The following DNM3 variants were observed in gnomAD, a reference collection of about 807,000 sequenced individuals.
DNM3 encodes the protein dynamin 3, also known as dynamin-3.
In DNM3, 47 loss-of-function variants were observed where a neutral mutation model predicts 101.6. The observed-to-expected ratio is 0.46, with a 90% CI of 0.37 to 0.59. DNM3 has a LOEUF of 0.59. DNM3 is among the 20% of genes least tolerant of loss of function. DNM3 has a pLI of 0.00. For synonymous variants in DNM3, 385 were observed against 387.9 expected (o/e 0.99, Z 0.09); for missense variants, 849 against 1,085.7 (o/e 0.78, Z 3.06).
chr1:172,082,629 T>C (rs1175123345), intron 12 of DNM3, among the ~76,000 whole-genome samples: 4 of 151,934 alleles, frequency 2.6e-5, no homozygotes, highest in African/African-American at 7.3e-5. Flanking sequence ...GCCTATTTTA[T>C]GTAAAATGTA....
intron 13 of DNM3, among the ~76,000 whole-genome samples, chr1:172,125,983 A>G (rs2056598957): frequency 6.6e-6 from 1 of 151,838 alleles, no homozygotes; most frequent in East Asian, 1.9e-4. Context: ...TCTTTTTATT[A>G]ATTTCCCCTT....
intron 17 of DNM3, among the ~76,000 whole-genome samples, chr1:172,362,250 A>G (rs1451532873): frequency 1.3e-5 from 2 of 152,048 alleles, no homozygotes; most frequent in African/African-American, 4.8e-5. Flanking sequence ...ACAATAATAC[A>G]TGAAAAGAAT....
intron 11 of DNM3, among the ~76,000 whole-genome samples, chr1:172,075,186 C>T (rs905258868): frequency 2.7e-5 from 4 of 150,740 alleles, no homozygotes; most frequent in East Asian, 2.0e-4. Context: ...AATTTGTATA[C>T]GTTCTTTGTA....
intron 14 of DNM3, among the ~76,000 whole-genome samples, chr1:172,233,049 T>G (rs2061398566): frequency 6.6e-6 from 1 of 152,056 alleles, no homozygotes; most frequent in Non-Finnish European, 1.5e-5. Flanking sequence ...AGAGCAGAAC[T>G]GAAGGAGATA....
At chr1:172,327,361 A>G (rs1172838552) in intron 17 of DNM3, among the ~76,000 whole-genome samples, 1 of 152,162 alleles carries the variant, frequency 6.6e-6, no homozygotes, top group Non-Finnish European at 1.5e-5. Context: ...AAGTATATAT[A>G]TTGAAGAGCA....
chr1:171,855,029 C>G (rs893733611), intron 1 of DNM3, among the ~76,000 whole-genome samples: 8 of 152,098 alleles, frequency 5.3e-5, no homozygotes, highest in African/African-American at 1.4e-4. Flanking sequence ...ACTCTCCCTT[C>G]TCCCACCCTT....
chr1:172,267,036 G>A (rs1396353178), intron 15 of DNM3, among the ~76,000 whole-genome samples: 1 of 152,136 alleles, frequency 6.6e-6, no homozygotes, highest in Admixed American at 6.6e-5. Context: ...TGTTACTAGG[G>A]GGATCACCTG....
intron 15 of DNM3, among the ~76,000 whole-genome samples, chr1:172,260,039 G>A (rs2062576257): frequency 6.6e-6 from 1 of 151,950 alleles, no homozygotes; most frequent in Non-Finnish European, 1.5e-5. Flanking sequence ...CTTAGCTTTT[G>A]CTCATCTGTG....
intron 5 of DNM3, 25 bp downstream of exon 5, chr1:172,032,525 A>AAT: frequency 3.0e-6 from 2 of 662,826 alleles, no homozygotes; most frequent in Non-Finnish European, 4.4e-6. Flanking sequence ...TCTATACAAG[A>AAT]CTTTTTTTTT....
At chr1:171,889,531 A>G (rs562203646) in intron 1 of DNM3, among the ~76,000 whole-genome samples, 1 of 152,324 alleles carries the variant, frequency 6.6e-6, no homozygotes, top group South Asian at 2.1e-4. Context: ...ATTTAACAGA[A>G]CATACTTCAA....
At chr1:172,407,349 A>C (rs10911692) in intron 20 of DNM3, among the ~76,000 whole-genome samples, 16,503 of 152,040 alleles carry the variant, frequency 0.11, 2,998 homozygotes, top group African/African-American at 0.38. Flanking sequence ...GAGAAGTGAT[A>C]ATAATATCCT....
At chr1:171,865,744 C>G (rs2034679056) in intron 1 of DNM3, among the ~76,000 whole-genome samples, 1 of 152,058 alleles carries the variant, frequency 6.6e-6, no homozygotes. Flanking sequence ...ATACATATTC[C>G]TCTAGAGGTG....
intron 14 of DNM3, among the ~76,000 whole-genome samples, chr1:172,247,656 C>CTTAT (rs1553207716): frequency 0.058 from 7,908 of 135,324 alleles, 292 homozygotes; most frequent in African/African-American, 0.11. Flanking sequence ...ATTATTATTT[C>CTTAT]TTATTTATTT....
intron 2 of DNM3, among the ~76,000 whole-genome samples, chr1:171,954,484 A>G (rs1197385889): frequency 1.3e-5 from 2 of 152,172 alleles, no homozygotes; most frequent in Non-Finnish European, 1.5e-5. Flanking sequence ...TCTGGATGCA[A>G]AGTATATTGT....
intron 13 of DNM3, among the ~76,000 whole-genome samples, chr1:172,113,204 G>T (rs1438523723): frequency 6.6e-6 from 1 of 152,118 alleles, no homozygotes; most frequent in Non-Finnish European, 1.5e-5. Flanking sequence ...TAAACTCCAA[G>T]AATGACCACT....
At chr1:172,250,345 T>C (rs2062120759) in intron 14 of DNM3, among the ~76,000 whole-genome samples, 1 of 152,102 alleles carries the variant, frequency 6.6e-6, no homozygotes, top group African/African-American at 2.4e-5. Flanking sequence ...CAGAAACTTC[T>C]TATGGAGGAG....
chr1:172,081,928 T>G (rs754852055), intron 12 of DNM3, 26 bp downstream of exon 12: 6 of 1,605,246 alleles, frequency 3.7e-6, no homozygotes, highest in African/African-American at 1.3e-5. Context: ...GATGGCCACA[T>G]GCATTCCTCC....
At chr1:172,195,714 A>T (rs1442245656) in intron 14 of DNM3, among the ~76,000 whole-genome samples, 2 of 151,950 alleles carry the variant, frequency 1.3e-5, no homozygotes, top group Non-Finnish European at 1.5e-5. Context: ...GATGTGAAGG[A>T]TTCAATTAAT....
intron 14 of DNM3, among the ~76,000 whole-genome samples, chr1:172,215,434 T>A (rs2060658312): frequency 1.3e-5 from 2 of 152,082 alleles, no homozygotes; most frequent in African/African-American, 2.4e-5. Context: ...GATTTTTGAA[T>A]GCATAAGAAC....
Sources: gnomAD v4.1 joint callset for allele counts (sites outside exome capture counted in the v4.1 genomes callset) on GRCh38, gnomAD v4.1.1 for gene constraint, MANE v1.5 for transcripts, NCBI Gene and HGNC (gene_info 2026-07-23, HGNC 2026-07-21) for gene names.